Variants in PLAU observed in about 807,000 individuals in gnomAD.
The protein encoded by PLAU is urokinase-type plasminogen activator.
In PLAU, 32 loss-of-function variants were observed where a neutral mutation model predicts 48.9. The ratio of observed to expected loss-of-function variants is 0.65; its 90% confidence interval spans 0.49 to 0.88. PLAU has a LOEUF of 0.88. PLAU is among the 40% of genes least tolerant of loss of function. PLAU has a pLI of 0.00. For synonymous variants in PLAU, 199 were observed against 205.7 expected (o/e 0.97, Z 0.28); for missense variants, 455 against 545.2 (o/e 0.83, Z 1.65).
In PLAU at chr10:73,913,605, G is replaced by T. The variant is rs756402191; in HGVS notation, c.527G>T (p.Arg176Leu). The T allele has an allele frequency of 8.7e-6, 14 of 1,613,844 alleles. No homozygotes were observed. The Admixed American group carries it at 2.2e-4, about 25-fold the overall frequency. The change falls in exon 7 of 11, where the codon CGC becomes CTC. Residue 176 changes from arginine to leucine, a missense_variant. Arg to Leu is a moderately radical substitution (Grantham distance 102). Coordinates refer to ENST00000372764, the MANE Select transcript of PLAU (RefSeq NM_002658.6). ...FQCGQKTLRP[R>L]FKIIGGEFTT... Reference sequence around the variant, plus strand: ...TGTGGCCAAAAGACTCTGAGGCCCCGCTTTAAGATTATTGGGGGAGAATTC... The same window carrying T: ...TGTGGCCAAAAGACTCTGAGGCCCCTCTTTAAGATTATTGGGGGAGAATTC...
At position 73,916,842 on chromosome 10, in the gene PLAU, G is replaced by A; in HGVS notation, c.*277G>A. 1 of 412,310 alleles carries A rather than the reference G, an allele frequency of 2.4e-6. No individual in the cohort carries two copies. The highest frequency in any genetic ancestry group is 4.4e-6 in the Non-Finnish European group (1 of 228,714). 25.5% of individuals were successfully genotyped at this position (412,310 alleles called of 1,614,324 possible). On this transcript the variant is annotated 3_prime_UTR_variant, in exon 11 of 11. Coordinates refer to ENST00000372764, the MANE Select transcript of PLAU (RefSeq NM_002658.6). ...GTCTTTTTCTGGACTGAAGCCTGCA[G>A]GAGTTAAAAAGGGCAGGGCATCTCC...
chr10:73,910,550 A>G (rs2096121811), upstream of PLAU: 1 of 152,216 alleles, frequency 6.6e-6, no homozygotes, highest in East Asian at 1.9e-4. Flanking sequence ...GCCGAAAGCA[A>G]TAAGCCCGGC....
chr10:73,916,318 G>A, intron 10 of PLAU, 71 bp from the exon 11 acceptor site: 1 of 1,359,964 alleles, frequency 7.4e-7, no homozygotes, highest in Non-Finnish European at 1.0e-6. Flanking sequence ...CTCTGGTATG[G>A]TTGGGTGATG....
chr10:73,916,246 C>T lies in PLAU; in HGVS notation c.1120-143C>T, dbSNP rs570437714. ...CGACAGAGCGAGATTCTGTCCTCCC[C>T]CCGAAAAAAAGAAAGAAAATGGGAA... is the stretch of plus-strand genomic sequence containing the variant. On this transcript the variant is annotated intron_variant, in intron 10 of 10. Transcript: ENST00000372764. The T allele has an allele frequency of 3.9e-5, 29 of 742,892 alleles. No individual in the cohort carries two copies. In the South Asian group the frequency reaches 4.7e-4, roughly 12 times the overall value. 46.0% of individuals were successfully genotyped at this position (742,892 alleles called of 1,614,324 possible). A position where few individuals can be genotyped will look rare whatever the true frequency, so the allele number is the denominator to read the frequency against.
At chr10:73,915,661 C>A (rs897541890) in intron 10 of PLAU, among the ~76,000 whole-genome samples, 1 of 152,006 alleles carries the variant, frequency 6.6e-6, no homozygotes, top group Non-Finnish European at 1.5e-5. Flanking sequence ...TAACTCAGTG[C>A]CCAGGGTGTG....
Position 73,911,605 on chromosome 10 carries a change from A to T in PLAU, c.50A>T (p.Asp17Val). ...RLLLCVLVVS[D>V]SKGSNELHQV... is the part of the protein sequence containing the mutation. ...CTTCTCTGCGTCCTGGTCGTGAGCG[A>T]CTCCAAAGTGAGTGCGCTCTTGCTT... The change falls in exon 2 of 11, where the codon GAC (aspartate) becomes GTC (valine). Residue 17 changes from aspartate to valine, a missense_variant. Asp to Val is a radical substitution (Grantham distance 152, BLOSUM62 -3). Transcript: ENST00000372764. 6.2e-7 allele frequency: 1 copy of T among 1,613,656 alleles called. No homozygotes were observed. Among genetic ancestry groups the T allele is most frequent in the Middle Eastern group, 1.6e-4 (1 of 6,062 alleles).
chr10:73,915,047 G>A (rs1358254230), intron 9 of PLAU, 131 bp downstream of exon 9: 33 of 1,084,486 alleles, frequency 3.0e-5, no homozygotes, highest in Non-Finnish European at 4.3e-5. Flanking sequence ...TGGGTCCAGG[G>A]ATGGATGAAG....
chr10:73,909,370 A>G (rs2096120306), upstream of PLAU: 1 of 152,224 alleles, frequency 6.6e-6, no homozygotes, highest in African/African-American at 2.4e-5. Flanking sequence ...CTCAAATCCA[A>G]ACAAAACTGA....
Position 73,912,579 on chromosome 10 carries a change from G to A in PLAU, c.193+257G>A, listed in dbSNP as rs1377825909. Reference sequence around the variant, plus strand: ...AAAATGTCCGTTGGCAGCCGGGCATGGTGGCTCACGCTTGTAATCCCAGCA... The same window carrying A: ...AAAATGTCCGTTGGCAGCCGGGCATAGTGGCTCACGCTTGTAATCCCAGCA... On this transcript the variant is annotated intron_variant, in intron 4 of 10. Transcript: ENST00000372764. Among the ~76,000 whole-genome samples the A allele has an allele frequency of 4.0e-5, 6 of 151,718 alleles. No individual in the cohort carries two copies. The East Asian group carries it at 1.2e-3, about 29-fold the overall frequency.
intron 5 of PLAU, 34 bp from the exon 6 acceptor site, chr10:73,913,239 GGGAAGGCCCTCTGGGTT>G: frequency 1.3e-6 from 2 of 1,598,534 alleles, no homozygotes; most frequent in Non-Finnish European, 1.7e-6. Flanking sequence ...GGAGGAGGCA[GGGAAGGCCCTCTGGGTT>G]GGAATGACAT....
Position 73,912,186 on chromosome 10 carries a change from C to T in PLAU, c.86-29C>T. On this transcript the variant is annotated intron_variant, in intron 3 of 10. Transcript: ENST00000372764. ...CCACCCCTTACCACTTCCACTCCCCCTCGCTTACCCCACCTTTGTTCTCTC... is the reference window on the plus strand; with the variant it reads ...CCACCCCTTACCACTTCCACTCCCCTTCGCTTACCCCACCTTTGTTCTCTC... 4 of 1,614,170 alleles carry T rather than the reference C, an allele frequency of 2.5e-6. 1 individual carries two copies. In the South Asian group the frequency reaches 4.4e-5, roughly 18 times the overall value.
rs142352538 is a variant in PLAU, at chr10:73,914,946, G to C, written c.970+30G>C. On this transcript the variant is annotated intron_variant, in intron 9 of 10. Transcript: ENST00000372764. Reference sequence around the variant, plus strand: ...GTGACAATTGCGACTGACTTAGAAGGTCCTGAGGAGTGTTTTGACCTGAAA... The same window carrying C: ...GTGACAATTGCGACTGACTTAGAAGCTCCTGAGGAGTGTTTTGACCTGAAA... 2.8e-5 allele frequency: 45 copies of C among 1,609,772 alleles called. No individual in the cohort carries two copies. The African/African-American group carries it at 4.5e-4, about 16-fold the overall frequency.
chr10:73,915,448 C>T, intron 10 of PLAU, 49 bp downstream of exon 10: 2 of 1,525,430 alleles, frequency 1.3e-6, no homozygotes, highest in Non-Finnish European at 8.9e-7. Flanking sequence ...CTCCCCAGAG[C>T]TCCTGGGCTT....
chr10:73,915,129 G>C lies in PLAU; in HGVS notation c.971-122G>C, dbSNP rs2096133731. The C allele has an allele frequency of 7.7e-6, 9 of 1,162,742 alleles. No individual in the cohort carries two copies. The Admixed American group carries it at 1.1e-4, about 14-fold the overall frequency. 72.0% of individuals were successfully genotyped at this position (1,162,742 alleles called of 1,614,324 possible). Reference sequence around the variant, plus strand: ...GGGCTATAGGTGGAGTAAAGGCTCAGATTTGCATGGAAGAGAATAAGGGCC... The same window carrying C: ...GGGCTATAGGTGGAGTAAAGGCTCACATTTGCATGGAAGAGAATAAGGGCC... On this transcript the variant is annotated intron_variant, in intron 9 of 10. Coordinates refer to ENST00000372764, the MANE Select transcript of PLAU (RefSeq NM_002658.6).
intron 4 of PLAU, 103 bp from the exon 5 acceptor site, chr10:73,912,821 A>C: frequency 1.1e-6 from 1 of 879,274 alleles, no homozygotes; most frequent in Non-Finnish European, 1.7e-6. Context: ...ACTGCACTCC[A>C]ACTGGGCGAC....
In PLAU at chr10:73,916,383, T is replaced by A; in HGVS notation, c.1120-6T>A. 6.2e-7 allele frequency: 1 copy of A among 1,611,576 alleles called. No homozygotes were observed. The highest frequency in any genetic ancestry group is 8.5e-7 in the Non-Finnish European group (1 of 1,178,788). On this transcript the variant is annotated splice_polypyrimidine_tract_variant and splice_region_variant and intron_variant, in intron 10 of 10. Coordinates refer to ENST00000372764, the MANE Select transcript of PLAU (RefSeq NM_002658.6). ...GGGCTCATCTTTTGTATCTTTGGCG[T>A]CACAGGGAGACTCAGGGGGACCCCT...
At position 73,913,578 on chromosome 10, in the gene PLAU, A is replaced by C. The variant is rs1420338766; in HGVS notation, c.500A>C (p.Gln167Pro). The C allele has an allele frequency of 1.2e-6, 2 of 1,613,652 alleles. No homozygotes were observed. Among genetic ancestry groups the C allele is most frequent in the Non-Finnish European group, 1.7e-6 (2 of 1,179,906 alleles). ...TCTCCTCCAGAAGAATTAAAATTTC[A>C]GTGTGGCCAAAAGACTCTGAGGCCC... ...PSSPPEELKFQCGQKTLRPRF... is the reference protein window; with the variant it reads ...PSSPPEELKFPCGQKTLRPRF... Residue 167 changes from glutamine (Q) to proline (P), a missense_variant, in exon 7 of 11, where the codon CAG becomes CCG. Gln to Pro is a moderately conservative substitution (Grantham distance 76, BLOSUM62 -1). Coordinates refer to ENST00000372764, the MANE Select transcript of PLAU (RefSeq NM_002658.6).
intron 2 of PLAU, 123 bp from the exon 3 acceptor site, chr10:73,911,918 C>A: frequency 6.3e-7 from 1 of 1,594,926 alleles, no homozygotes; most frequent in Non-Finnish European, 8.5e-7. Flanking sequence ...GAACTAGATA[C>A]GAACAGGGTG....
chr10:73,915,169 T>C (rs2096133824), intron 9 of PLAU, 82 bp from the exon 10 acceptor site: 8 of 1,406,192 alleles, frequency 5.7e-6, no homozygotes, highest in Non-Finnish European at 7.8e-6. Flanking sequence ...CTGGTAGAGA[T>C]ACTTTATGGT....
Sources: gnomAD v4.1 joint callset for allele counts (sites outside exome capture counted in the v4.1 genomes callset) on GRCh38, gnomAD v4.1.1 for gene constraint, MANE v1.5 for transcripts, NCBI Gene and HGNC (gene_info 2026-07-23, HGNC 2026-07-21) for gene names.